The following VRK2 variants were observed in gnomAD, a reference collection of about 807,000 sequenced individuals.
VRK2 encodes VRK serine/threonine kinase 2.
In VRK2, 60 loss-of-function variants were observed where a neutral mutation model predicts 57.6. That is an observed-to-expected ratio of 1.04 (90% CI 0.85 to 1.29). VRK2 has a LOEUF of 1.29. VRK2 is among the 50% of genes most tolerant of loss of function. VRK2 has a pLI of 0.00. For synonymous variants in VRK2, 231 were observed against 199.2 expected (o/e 1.16, Z -1.35); for missense variants, 705 against 588.1 (o/e 1.20, Z -2.06).
chr2:57,965,566 C>T (rs1364223906), intron 1 of VRK2, among the ~76,000 whole-genome samples: 6 of 152,184 alleles, frequency 3.9e-5, no homozygotes, highest in Non-Finnish European at 8.8e-5. Context: ...ATTTGCTTCT[C>T]AGGTTTCTTG....
chr2:57,954,046 T>G (rs79843718), intron 1 of VRK2, among the ~76,000 whole-genome samples: 1 of 152,174 alleles, frequency 6.6e-6, no homozygotes, highest in Non-Finnish European at 1.5e-5. Flanking sequence ...AGCACTTGTT[T>G]CAGTGTTTAG....
At chr2:57,942,947 C>T (rs558860015) in intron 1 of VRK2, among the ~76,000 whole-genome samples, 1 of 152,100 alleles carries the variant, frequency 6.6e-6, no homozygotes, top group South Asian at 2.1e-4. Context: ...TTTTTCTCTC[C>T]CTATATATTT....
At chr2:57,922,214 C>T (rs1470603867) in intron 1 of VRK2, among the ~76,000 whole-genome samples, 1 of 151,736 alleles carries the variant, frequency 6.6e-6, no homozygotes, top group Non-Finnish European at 1.5e-5. Context: ...TGAATTATTG[C>T]CTTTAAATTG....
At chr2:58,147,065 C>A (rs893795827) in intron 12 of VRK2, 40 of 465,438 alleles carry the variant, frequency 8.6e-5, no homozygotes, top group Non-Finnish European at 1.6e-4. Flanking sequence ...TATACACCAT[C>A]ATTTCCCCCA....
chr2:57,950,997 C>A (rs1420615425), intron 1 of VRK2, among the ~76,000 whole-genome samples: 1 of 152,006 alleles, frequency 6.6e-6, no homozygotes, highest in Non-Finnish European at 1.5e-5. Context: ...GAGGCTGAGG[C>A]AGGGAAATCA....
intron 5 of VRK2, 80 bp downstream of exon 5, chr2:58,086,506 C>A: frequency 1.6e-6 from 2 of 1,223,482 alleles, no homozygotes; most frequent in Non-Finnish European, 2.3e-6. Context: ...TGCCATGTAA[C>A]AAATTACCAA....
In VRK2 at chr2:58,146,610, T is replaced by C. The variant is rs527685449; in HGVS notation, c.1182+136T>C. The stretch of plus-strand genomic sequence containing the variant: ...GTTAAATGAGAAGGGACAGAAAATA[T>C]CCTAGCCAGCTGATAAAATTAAAGC... On this transcript the variant is annotated intron_variant, in intron 12 of 12. Coordinates refer to ENST00000340157, the MANE Select transcript of VRK2 (RefSeq NM_006296.7). 1.1e-4 allele frequency: 108 copies of C among 1,018,572 alleles called. No individual in the cohort carries two copies. The African/African-American group carries it at 1.5e-3, about 14-fold the overall frequency. 63.1% of individuals were successfully genotyped at this position (1,018,572 alleles called of 1,614,324 possible).
chr2:58,050,480 T>C (rs777720594), intron 2 of VRK2, among the ~76,000 whole-genome samples: 5 of 152,326 alleles, frequency 3.3e-5, no homozygotes, highest in African/African-American at 7.2e-5. Flanking sequence ...GGTTGAGATA[T>C]AGTGTTGAAT....
rs528875653 is a variant in VRK2 at position 58,020,748 on chromosome 2, G to T, written c.-438-4917G>T. Among the ~76,000 whole-genome samples, 28 of 152,254 alleles carry T rather than the reference G, an allele frequency of 1.8e-4. No individual in the cohort carries two copies. In the South Asian group the frequency reaches 5.6e-3, roughly 30 times the overall value. Reference sequence around the variant, plus strand: ...TGTACAACTGAACATTTTTTAAAGTGCACATATTATCTTTTTCTAAAATAA... The same window carrying T: ...TGTACAACTGAACATTTTTTAAAGTTCACATATTATCTTTTTCTAAAATAA... On this transcript the variant is annotated intron_variant, in intron 1 of 15. Transcript: ENST00000417641.
At chr2:57,988,467 G>T (rs568853739) in intron 1 of VRK2, among the ~76,000 whole-genome samples, 46 of 152,232 alleles carry the variant, frequency 3.0e-4, no homozygotes, top group Non-Finnish European at 3.2e-4. Flanking sequence ...TGTCTGTGAG[G>T]GTATTTCTGG....
At chr2:57,986,535 A>G (rs2104067192) in intron 1 of VRK2, among the ~76,000 whole-genome samples, 1 of 152,148 alleles carries the variant, frequency 6.6e-6, no homozygotes, top group African/African-American at 2.4e-5. Context: ...AGCCACATAT[A>G]TACATATATT....
At chr2:57,954,725 C>T (rs1207164995) in intron 1 of VRK2, among the ~76,000 whole-genome samples, 1 of 151,730 alleles carries the variant, frequency 6.6e-6, no homozygotes, top group Non-Finnish European at 1.5e-5. Flanking sequence ...CCCAGGCCCA[C>T]CTGTAAATTT....
At chr2:58,108,352 C>T (rs1412447488) in intron 7 of VRK2, among the ~76,000 whole-genome samples, 2 of 152,080 alleles carry the variant, frequency 1.3e-5, no homozygotes, top group Admixed American at 1.3e-4. Flanking sequence ...TAAATGGACT[C>T]TCTGCATCCA....
At chr2:58,084,022 G>T (rs1271271359) in intron 2 of VRK2, 67 bp from the exon 3 acceptor site, 19 of 1,546,480 alleles carry the variant, frequency 1.2e-5, no homozygotes, top group Non-Finnish European at 1.7e-5. Flanking sequence ...TAGTGTTTGG[G>T]ATATGGTAGG....
chr2:57,983,639 G>A (rs920021969), intron 1 of VRK2, among the ~76,000 whole-genome samples: 10 of 152,174 alleles, frequency 6.6e-5, no homozygotes, highest in Non-Finnish European at 1.5e-4. Flanking sequence ...TATTTCTCCT[G>A]CTGAAAAGTT....
chr2:58,133,545 C>T (rs1415717385), intron 9 of VRK2, among the ~76,000 whole-genome samples: 3 of 152,164 alleles, frequency 2.0e-5, no homozygotes, highest in Admixed American at 2.0e-4. Flanking sequence ...CTGTATCTCC[C>T]TTATGCCTTT....
chr2:58,057,189 C>A (rs1156409119), intron 2 of VRK2, among the ~76,000 whole-genome samples: 1 of 152,062 alleles, frequency 6.6e-6, no homozygotes, highest in Non-Finnish European at 1.5e-5. Context: ...GTTAAATTAA[C>A]TCTAGAACTG....
At chr2:57,942,128 CA>C (rs1671115254) in intron 1 of VRK2, among the ~76,000 whole-genome samples, 1 of 152,134 alleles carries the variant, frequency 6.6e-6, no homozygotes, top group Admixed American at 6.6e-5. Flanking sequence ...ACAACAGTGA[CA>C]AAAACTTTTT....
intron 1 of VRK2, among the ~76,000 whole-genome samples, chr2:57,994,155 A>T (rs1165085316): frequency 3.9e-5 from 6 of 152,162 alleles, no homozygotes; most frequent in Non-Finnish European, 8.8e-5. Context: ...CTTAAAGAAA[A>T]CTTTATGGTC....
Sources: allele counts gnomAD v4.1 joint callset (sites outside exome capture counted in the v4.1 genomes callset), GRCh38; gene constraint gnomAD v4.1.1; transcripts MANE v1.5; gene names NCBI Gene and HGNC (gene_info 2026-07-23, HGNC 2026-07-21).